Variants in CEP63 observed in about 807,000 individuals in gnomAD.
The protein encoded by CEP63 is centrosomal protein 63.
CEP63 carries 84 observed loss-of-function variants against 89.1 expected under a neutral mutation model. The ratio of observed to expected loss-of-function variants is 0.94; its 90% CI spans 0.79 to 1.13. The LOEUF (loss-of-function observed/expected upper bound fraction) is 1.13, where lower values mean the gene tolerates loss of function less well. Among genes scored for constraint, CEP63 ranks in the 50% most tolerant of loss-of-function variants. The pLI is 0.00. For missense variants in CEP63, 838 were observed against 813.3 expected, an observed-to-expected ratio of 1.03 and a Z score of -0.37; for synonymous variants, 267 against 272.5, an observed-to-expected ratio of 0.98 and a Z score of 0.20.
chr3:134,696,906 T>G, the CEP63 span, among the ~76,000 whole-genome samples: 1 of 152,216 alleles, frequency 6.6e-6, no homozygotes, highest in Non-Finnish European at 1.5e-5. Context: ...AGAGCAAAAC[T>G]TGGCTCTTCC....
chr3:134,773,211 T>A, the CEP63 span, among the ~76,000 whole-genome samples: 1 of 152,148 alleles, frequency 6.6e-6, no homozygotes, highest in Non-Finnish European at 1.5e-5. Context: ...CCTGCTTCTA[T>A]TTGCTGCCAC....
At chr3:134,664,120 C>A in the CEP63 span, among the ~76,000 whole-genome samples, 1 of 152,272 alleles carries the variant, frequency 6.6e-6, no homozygotes, top group Admixed American at 6.5e-5. Context: ...CATCTGGACA[C>A]CTGTTAGGCT....
At chr3:134,691,271 T>C in the CEP63 span, among the ~76,000 whole-genome samples, 1 of 151,766 alleles carries the variant, frequency 6.6e-6, no homozygotes, top group African/African-American at 2.4e-5. Context: ...GCTGGGAGGA[T>C]CTTTTGAACC....
At chr3:134,689,765 T>C in the CEP63 span, among the ~76,000 whole-genome samples, 1 of 152,296 alleles carries the variant, frequency 6.6e-6, no homozygotes, top group Admixed American at 6.5e-5. Context: ...CATATTATTT[T>C]TTAATGAACC....
At chr3:134,571,356 G>A (rs1958001491) in intron 11 of CEP63, among the ~76,000 whole-genome samples, 1 of 152,124 alleles carries the variant, frequency 6.6e-6, no homozygotes, top group African/African-American at 2.4e-5. Flanking sequence ...AGGAGCCTAT[G>A]GACCCCTCAG....
the CEP63 span, among the ~76,000 whole-genome samples, chr3:134,719,801 C>G: frequency 1.3e-5 from 2 of 152,118 alleles, no homozygotes; most frequent in African/African-American, 4.8e-5. Flanking sequence ...TGTGTCAATA[C>G]TTCATTTCCT....
chr3:134,589,555 T>C (rs924244637), downstream of CEP63, among the ~76,000 whole-genome samples: 13 of 149,258 alleles, frequency 8.7e-5, no homozygotes, highest in African/African-American at 3.2e-4. Flanking sequence ...TATTCATCAC[T>C]TCATACCAGT....
At chr3:134,521,282 G>C (rs1443521106) in intron 3 of CEP63, among the ~76,000 whole-genome samples, 1 of 152,080 alleles carries the variant, frequency 6.6e-6, no homozygotes, top group East Asian at 1.9e-4. Context: ...GTTACTATAG[G>C]GGTATGAAAC....
chr3:134,685,332 A>G, the CEP63 span, among the ~76,000 whole-genome samples: 1 of 151,968 alleles, frequency 6.6e-6, no homozygotes, highest in South Asian at 2.1e-4. Context: ...CACTCTGTTG[A>G]CCCGTAGCAT....
At chr3:134,565,776 TAA>T (rs530861293), downstream of CEP63, among the ~76,000 whole-genome samples, 7 of 130,490 alleles carry the variant, frequency 5.4e-5, no homozygotes, top group Admixed American at 2.3e-4. Context: ...GCCCATAAGA[TAA>T]AAAAAAAAAA....
chr3:134,682,677 T>C, the CEP63 span, among the ~76,000 whole-genome samples: 2 of 152,166 alleles, frequency 1.3e-5, no homozygotes, highest in Admixed American at 1.3e-4. Context: ...CTATTAGGAA[T>C]GTTACTGATG....
chr3:134,647,481 T>C, the CEP63 span: 3 of 1,611,324 alleles, frequency 1.9e-6, no homozygotes, highest in Non-Finnish European at 2.5e-6. Context: ...GGACTCCATT[T>C]CCAACACCTT....
chr3:134,550,127 A>C lies in CEP63; in HGVS notation c.1247A>C (p.Glu416Ala). The C allele has an allele frequency of 6.2e-7, 1 of 1,613,468 alleles. No individual in the cohort carries two copies. Among genetic ancestry groups the C allele is most frequent in the African/African-American group, 1.3e-5 (1 of 75,056 alleles). Residue 416 changes from glutamate (E) to alanine (A), a missense_variant, in exon 11 of 15, where the codon GAA becomes GCA. Coordinates refer to ENST00000675561, the MANE Select transcript of CEP63 (RefSeq NM_001353108.3). ...YSSALEGMKMEISHLTQELHQ... is the reference protein window; with the variant it reads ...YSSALEGMKMAISHLTQELHQ... ...TCTGCACTAGAAGGAATGAAGATGGAAATCTCCCATCTAACTCAGGAGTTA... is the reference window on the plus strand; with the variant it reads ...TCTGCACTAGAAGGAATGAAGATGGCAATCTCCCATCTAACTCAGGAGTTA...
At chr3:134,614,110 C>A in the CEP63 span, among the ~76,000 whole-genome samples, 1 of 152,154 alleles carries the variant, frequency 6.6e-6, no homozygotes, top group Non-Finnish European at 1.5e-5. Flanking sequence ...GTCTCCAGAA[C>A]TTTGCTTATA....
At chr3:134,557,220 GAT>G (rs1206654942) in intron 12 of CEP63, among the ~76,000 whole-genome samples, 1 of 151,918 alleles carries the variant, frequency 6.6e-6, no homozygotes, top group Non-Finnish European at 1.5e-5. Flanking sequence ...GTTCTTCTCT[GAT>G]ATTTTATCTG....
the CEP63 span, among the ~76,000 whole-genome samples, chr3:134,613,867 T>C: frequency 6.6e-6 from 1 of 152,184 alleles, no homozygotes; most frequent in Non-Finnish European, 1.5e-5. Flanking sequence ...CTCCAGCCAC[T>C]CTTGCTAGCC....
chr3:134,542,636 T>C (rs1236254049), intron 6 of CEP63, among the ~76,000 whole-genome samples: 1 of 152,200 alleles, frequency 6.6e-6, no homozygotes, highest in Admixed American at 6.5e-5. Flanking sequence ...TCTCACTCTC[T>C]GGGAGAGTCA....
At chr3:134,651,413 C>T in the CEP63 span, 20 of 1,085,160 alleles carry the variant, frequency 1.8e-5, no homozygotes, top group Non-Finnish European at 2.1e-5. Context: ...AAGCCCCTGG[C>T]AAATACAGAA....
the CEP63 span, among the ~76,000 whole-genome samples, chr3:134,759,075 G>A: frequency 6.6e-6 from 1 of 152,154 alleles, no homozygotes; most frequent in African/African-American, 2.4e-5. Flanking sequence ...GCCTGTAGTC[G>A]CTGGAGAGGG....
Sources: gnomAD v4.1 joint callset for allele counts (sites outside exome capture counted in the v4.1 genomes callset) on GRCh38, gnomAD v4.1.1 for gene constraint, MANE v1.5 for transcripts, NCBI Gene and HGNC (gene_info 2026-07-23, HGNC 2026-07-21) for gene names.